The following LHFPL6 variants were observed in gnomAD, a reference collection of about 807,000 sequenced individuals.
The protein encoded by LHFPL6 is LHFPL tetraspan subfamily member 6, also known as LHFPL tetraspan subfamily member 6 protein.
LHFPL6 carries 9 observed loss-of-function variants against 20.6 expected under a neutral mutation model. The ratio of observed to expected loss-of-function variants is 0.44; its 90% CI spans 0.26 to 0.76. LHFPL6 has a LOEUF of 0.76. Ranked by LOEUF, LHFPL6 falls within the 30% of genes least tolerant of loss-of-function variation. The probability of loss-of-function intolerance (pLI) is 0.20; values close to 1 mark genes in which losing one functional copy is unlikely to be tolerated. For missense variants in LHFPL6, 218 were observed against 253.5 expected (o/e 0.86, Z 0.95); for synonymous variants, 105 against 98.7 (o/e 1.06, Z -0.38).
At chr13:39,410,313 T>G (rs1369170621) in intron 2 of LHFPL6, among the ~76,000 whole-genome samples, 1 of 152,224 alleles carries the variant, frequency 6.6e-6, no homozygotes, top group Non-Finnish European at 1.5e-5. Context: ...CAAGCTTACT[T>G]AAGAATGCAG....
intron 2 of LHFPL6, among the ~76,000 whole-genome samples, chr13:39,532,705 T>C (rs1870501873): frequency 6.6e-6 from 1 of 152,118 alleles, no homozygotes; most frequent in South Asian, 2.1e-4. Context: ...AAATACAATA[T>C]AATTGTAACC....
intron 2 of LHFPL6, among the ~76,000 whole-genome samples, chr13:39,482,981 C>G (rs1303482812): frequency 6.6e-6 from 1 of 152,126 alleles, no homozygotes; most frequent in African/African-American, 2.4e-5. Flanking sequence ...GATAAAGGAG[C>G]TTTCATCTTT....
intron 3 of LHFPL6, among the ~76,000 whole-genome samples, chr13:39,350,509 A>G (rs1007429401): frequency 1.3e-5 from 2 of 152,256 alleles, no homozygotes; most frequent in Admixed American, 1.3e-4. Context: ...CAGGAAATAC[A>G]GGGCCATTCT....
intron 2 of LHFPL6, among the ~76,000 whole-genome samples, chr13:39,418,204 C>A (rs1488034299): frequency 1.3e-5 from 2 of 151,880 alleles, no homozygotes; most frequent in East Asian, 3.9e-4. Context: ...CTGTAGTATG[C>A]CAAATTAGCT....
chr13:39,492,741 T>C (rs1404219236), intron 2 of LHFPL6, among the ~76,000 whole-genome samples: 12 of 152,268 alleles, frequency 7.9e-5, no homozygotes, highest in African/African-American at 2.6e-4. Context: ...CTCAGCTCAC[T>C]GCAACCTCCG....
chr13:39,537,988 CTTTCTTT>C lies in LHFPL6; in HGVS notation c.385+62837_385+62843del, dbSNP rs1459624435. 1.7e-3 allele frequency among the ~76,000 whole-genome samples: 197 copies of C among 116,316 alleles called. 1 individual carries two copies. Among genetic ancestry groups the C allele is most frequent in the Middle Eastern group, 4.3e-3 (1 of 230 alleles). The allele number at this position is 116,316 out of a possible 152,430, so 76.3% of individuals were successfully genotyped here. A position where few individuals can be genotyped will look rare whatever the true frequency, so the allele number is the denominator to read the frequency against. On this transcript the variant is annotated intron_variant, in intron 2 of 3. Transcript: ENST00000379589. ...GAATGCCATTTTTCTTTCTTTCTTT[CTTTCTTT>C]TTTTTTTTTTTTTGAGACGGAGTCT...
chr13:39,560,501 TC>T, intron 2 of LHFPL6, among the ~76,000 whole-genome samples: 1 of 118,224 alleles, frequency 8.5e-6, no homozygotes, highest in Non-Finnish European at 1.8e-5. Context: ...TTATGCAAAT[TC>T]TCTTTTTTTT....
At chr13:39,432,836 T>G (rs575584728) in intron 2 of LHFPL6, among the ~76,000 whole-genome samples, 1 of 152,348 alleles carries the variant, frequency 6.6e-6, no homozygotes, top group East Asian at 1.9e-4. Flanking sequence ...AGCCAATACA[T>G]GGTCATTGAA....
At chr13:39,398,903 C>T (rs1535776) in intron 2 of LHFPL6, among the ~76,000 whole-genome samples, 128,468 of 152,204 alleles carry the variant, frequency 0.84, 54,503 homozygotes, top group African/African-American at 0.92. Flanking sequence ...CATCCCCAAA[C>T]CATCCTCACT....
At chr13:39,448,235 C>T (rs1469344765) in intron 2 of LHFPL6, among the ~76,000 whole-genome samples, 1 of 152,190 alleles carries the variant, frequency 6.6e-6, no homozygotes, top group Non-Finnish European at 1.5e-5. Context: ...ATTCAGGGTA[C>T]ATTTTGTGTT....
chr13:39,515,232 G>A (rs1233758232), intron 2 of LHFPL6, among the ~76,000 whole-genome samples: 3 of 152,224 alleles, frequency 2.0e-5, no homozygotes, highest in Admixed American at 6.5e-5. Context: ...AGCCAGGGAT[G>A]AGCTGCGCTG....
At chr13:39,431,679 A>G (rs1871807464) in intron 2 of LHFPL6, among the ~76,000 whole-genome samples, 1 of 133,072 alleles carries the variant, frequency 7.5e-6, no homozygotes, top group African/African-American at 2.8e-5. Context: ...CCAAATTCTC[A>G]TTGTTTATTA....
At chr13:39,422,108 T>C (rs1458566270) in intron 2 of LHFPL6, among the ~76,000 whole-genome samples, 1 of 152,232 alleles carries the variant, frequency 6.6e-6, no homozygotes, top group Non-Finnish European at 1.5e-5. Flanking sequence ...GTATTGCATT[T>C]AAACATCCAA....
At chr13:39,488,646 T>G (rs1405201049) in intron 2 of LHFPL6, among the ~76,000 whole-genome samples, 1 of 152,230 alleles carries the variant, frequency 6.6e-6, no homozygotes, top group African/African-American at 2.4e-5. Flanking sequence ...AATTGGATCA[T>G]GTAATGCATA....
intron 2 of LHFPL6, among the ~76,000 whole-genome samples, chr13:39,585,816 CAATTT>C (rs956138631): frequency 6.6e-6 from 1 of 152,108 alleles, no homozygotes; most frequent in Non-Finnish European, 1.5e-5. Context: ...CTATTCAATT[CAATTT>C]GTCAAAAGTT....
chr13:39,577,543 G>A (rs1429043706), intron 2 of LHFPL6, among the ~76,000 whole-genome samples: 1 of 152,090 alleles, frequency 6.6e-6, no homozygotes, highest in African/African-American at 2.4e-5. Flanking sequence ...GATGTATTTG[G>A]ATCATCTATG....
At chr13:39,553,078 G>A (rs1199335126) in intron 2 of LHFPL6, among the ~76,000 whole-genome samples, 1 of 152,150 alleles carries the variant, frequency 6.6e-6, no homozygotes, top group African/African-American at 2.4e-5. Context: ...CCTGCAAAGA[G>A]CAACCAGAAT....
chr13:39,566,927 T>C (rs1005179126), intron 2 of LHFPL6, among the ~76,000 whole-genome samples: 4 of 151,986 alleles, frequency 2.6e-5, no homozygotes, highest in Non-Finnish European at 4.4e-5. Context: ...TAAAACCAGG[T>C]TTATAATCAC....
chr13:39,600,841 A>G lies in LHFPL6; in HGVS notation c.376T>C (p.Phe126Leu). ...TVGRVAGGIQFLGGLLIGAGC... is the reference protein window; with the variant it reads ...TVGRVAGGIQLLGGLLIGAGC... ...TCAGCAAGTCACTTACCCCCAAGAAACTGAATTCCTCCAGCCACTCTTCCC... is the reference window on the plus strand; with the variant it reads ...TCAGCAAGTCACTTACCCCCAAGAAGCTGAATTCCTCCAGCCACTCTTCCC... The change falls in exon 2 of 4, where the codon TTT becomes CTT. Residue 126 changes from phenylalanine (F) to leucine (L), a missense_variant. Phe to Leu is a conservative substitution (Grantham distance 22, BLOSUM62 0). Coordinates refer to ENST00000379589, the MANE Select transcript of LHFPL6 (RefSeq NM_005780.3). 1.3e-6 allele frequency: 2 copies of G among 1,487,830 alleles called. No individual in the cohort carries two copies. The highest frequency in any genetic ancestry group is 9.0e-7 in the Non-Finnish European group (1 of 1,115,416). 92.2% of individuals were successfully genotyped at this position (1,487,830 alleles called of 1,614,324 possible). A position where few individuals can be genotyped will look rare whatever the true frequency, so the allele number is the denominator to read the frequency against.
Sources: gnomAD v4.1 joint callset for allele counts (sites outside exome capture counted in the v4.1 genomes callset) on GRCh38, gnomAD v4.1.1 for gene constraint, MANE v1.5 for transcripts, NCBI Gene and HGNC (gene_info 2026-07-23, HGNC 2026-07-21) for gene names.